The following UBE2L3 variants were observed in gnomAD, a reference collection of about 807,000 sequenced individuals.
The protein encoded by UBE2L3 is ubiquitin conjugating enzyme E2 L3.
A neutral mutation model predicts 17.8 loss-of-function variants in UBE2L3; 1 was observed. The observed-to-expected ratio is 0.06, with a 90% confidence interval of 0.02 to 0.27. The LOEUF is 0.27. Among genes scored for constraint, UBE2L3 ranks in the 10% least tolerant of loss-of-function variants. UBE2L3 has a pLI of 1.00. For missense variants in UBE2L3, 40 were observed against 192.6 expected (o/e 0.21, Z 4.69); for synonymous variants, 44 against 68.5 (o/e 0.64, Z 1.76).
At chr22:21,556,506 T>C (rs1601380066) in intron 1 of UBE2L3, among the ~76,000 whole-genome samples, 1 of 152,374 alleles carries the variant, frequency 6.6e-6, no homozygotes, top group East Asian at 1.9e-4. Context: ...CTCGGCATAC[T>C]GCAACGTTCG....
At chr22:21,572,450 T>C (rs1004303395) in intron 1 of UBE2L3, among the ~76,000 whole-genome samples, 7 of 144,568 alleles carry the variant, frequency 4.8e-5, no homozygotes, top group Non-Finnish European at 4.6e-5. Flanking sequence ...AAGAAAACCC[T>C]GAGACAAAAA....
chr22:21,622,008 G>T lies in UBE2L3; in HGVS notation c.*339G>T. ...AGGTTTAAAAAAAAGGAAAAAAAACGGTTGTGGTTCCCTTTCTTCCCTACC... is the reference window on the plus strand; with the variant it reads ...AGGTTTAAAAAAAAGGAAAAAAAACTGTTGTGGTTCCCTTTCTTCCCTACC... On this transcript the variant is annotated 3_prime_UTR_variant, in exon 4 of 4. Coordinates refer to ENST00000342192, the MANE Select transcript of UBE2L3 (RefSeq NM_003347.4). 9.4e-6 allele frequency: 2 copies of T among 213,318 alleles called. No homozygotes were observed. The highest frequency in any genetic ancestry group is 1.9e-5 in the Non-Finnish European group (2 of 107,854). The allele number at this position is 213,318 out of a possible 1,614,324, so 13.2% of individuals were successfully genotyped here. A position where few individuals can be genotyped will look rare whatever the true frequency, so the allele number is the denominator to read the frequency against.
chr22:21,566,159 G>C (rs1926625252), upstream of UBE2L3, among the ~76,000 whole-genome samples: 1 of 151,896 alleles, frequency 6.6e-6, no homozygotes, highest in Non-Finnish European at 1.5e-5. Flanking sequence ...TTTTAGTAGA[G>C]ACGGAGTTTC....
chr22:21,572,373 T>G (rs913578267), intron 1 of UBE2L3, among the ~76,000 whole-genome samples: 2 of 136,110 alleles, frequency 1.5e-5, no homozygotes, highest in African/African-American at 2.8e-5. Context: ...AGGCAGAGGT[T>G]GCGGTGAGCC....
intron 2 of UBE2L3, among the ~76,000 whole-genome samples, chr22:21,604,531 T>G (rs1386349521): frequency 2.0e-5 from 3 of 152,168 alleles, no homozygotes; most frequent in Non-Finnish European, 4.4e-5. Context: ...CTTTGGTTTA[T>G]TTGACATTGA....
intron 1 of UBE2L3, among the ~76,000 whole-genome samples, chr22:21,560,960 AAGCACAG>A (rs1926410491): frequency 6.6e-6 from 1 of 152,294 alleles, no homozygotes; most frequent in South Asian, 2.1e-4. Context: ...TTCATTCACT[AAGCACAG>A]AGAATGGAGT....
intron 3 of UBE2L3, among the ~76,000 whole-genome samples, chr22:21,615,295 C>T (rs969352095): frequency 2.0e-5 from 3 of 152,108 alleles, no homozygotes; most frequent in Non-Finnish European, 2.9e-5. Flanking sequence ...GTGGCTCACG[C>T]CTGTAGTCCC....
chr22:21,614,223 C>T (rs1278172447), intron 3 of UBE2L3, among the ~76,000 whole-genome samples: 3 of 152,184 alleles, frequency 2.0e-5, no homozygotes, highest in African/African-American at 7.2e-5. Context: ...GTTCAGCTGC[C>T]ACTGTCCTGC....
At chr22:21,557,184 G>A (rs535435578) in intron 1 of UBE2L3, among the ~76,000 whole-genome samples, 29 of 152,244 alleles carry the variant, frequency 1.9e-4, no homozygotes, top group Non-Finnish European at 3.5e-4. Flanking sequence ...AGACAACATG[G>A]CAAGGCTGCA....
At chr22:21,577,848 A>G (rs1927399005) in intron 1 of UBE2L3, among the ~76,000 whole-genome samples, 1 of 152,204 alleles carries the variant, frequency 6.6e-6, no homozygotes, top group Non-Finnish European at 1.5e-5. Flanking sequence ...CTCTTTTGAC[A>G]GCCCTTATCC....
At chr22:21,594,552 T>C (rs1029754366) in intron 2 of UBE2L3, among the ~76,000 whole-genome samples, 11 of 152,244 alleles carry the variant, frequency 7.2e-5, no homozygotes, top group Admixed American at 1.3e-4. Flanking sequence ...TCAGCAGTTA[T>C]TGGATTTGTA....
At chr22:21,616,502 A>G (rs1301628925) in intron 3 of UBE2L3, among the ~76,000 whole-genome samples, 1 of 152,076 alleles carries the variant, frequency 6.6e-6, no homozygotes, top group Non-Finnish European at 1.5e-5. Context: ...TACAAAAAAA[A>G]TTAGCTGGGC....
intron 1 of UBE2L3, among the ~76,000 whole-genome samples, chr22:21,570,057 C>G (rs1327751317): frequency 6.6e-6 from 1 of 152,236 alleles, no homozygotes; most frequent in African/African-American, 2.4e-5. Context: ...CCACATCCCC[C>G]TTCAGAATGT....
chr22:21,577,725 G>C (rs1280947650), intron 1 of UBE2L3, among the ~76,000 whole-genome samples: 1 of 152,152 alleles, frequency 6.6e-6, no homozygotes, highest in Non-Finnish European at 1.5e-5. Context: ...GGTTTTGTTT[G>C]TTTTGGTTTT....
At chr22:21,568,863 C>G (rs1402039649) in intron 1 of UBE2L3, among the ~76,000 whole-genome samples, 1 of 152,168 alleles carries the variant, frequency 6.6e-6, no homozygotes, top group Non-Finnish European at 1.5e-5. Context: ...GCATTCCCTC[C>G]GTCCCTGGGA....
In UBE2L3 at chr22:21,623,130, G is replaced by A. The variant is rs1224600981; in HGVS notation, c.*1461G>A. On this transcript the variant is annotated 3_prime_UTR_variant, in exon 4 of 4. Transcript: ENST00000342192. Reference sequence around the variant, plus strand: ...CTTGGGGGGGACTAGATCCTGTGGAGAAGATGACTTAAACTTTGCTTTTTG... The same window carrying A: ...CTTGGGGGGGACTAGATCCTGTGGAAAAGATGACTTAAACTTTGCTTTTTG... 6.6e-6 allele frequency: 1 copy of A among 152,362 alleles called. No homozygotes were observed. Among genetic ancestry groups the A allele is most frequent in the African/African-American group, 2.4e-5 (1 of 41,468 alleles). 9.4% of individuals were successfully genotyped at this position (152,362 alleles called of 1,614,324 possible).
At position 21,611,070 on chromosome 22, in the gene UBE2L3, G is replaced by A. The variant is rs142591174; in HGVS notation, c.310+27G>A. The A allele has an allele frequency of 2.8e-5, 44 of 1,556,884 alleles. No individual in the cohort carries two copies. The East Asian group carries it at 7.1e-4, about 25-fold the overall frequency. The stretch of plus-strand genomic sequence containing the variant: ...TAAGACATGTGCCTGTGTCTTCCTC[G>A]GAGGGGGTCTTTGGGGGTGCTGCTC... On this transcript the variant is annotated intron_variant, in intron 3 of 3. Transcript: ENST00000342192.
rs1412778679 is a variant in UBE2L3 at position 21,622,919 on chromosome 22, T to G, written c.*1250T>G. The G allele has an allele frequency of 6.5e-6, 1 of 152,758 alleles. No individual in the cohort carries two copies. Among genetic ancestry groups the G allele is most frequent in the Non-Finnish European group, 1.5e-5 (1 of 68,036 alleles). The allele number at this position is 152,758 out of a possible 1,614,324, so 9.5% of individuals were successfully genotyped here. Reference sequence around the variant, plus strand: ...TGCCTTTTTTTGTAGAAATAAAAATTGACCTTAGAATTTATCGTCAGATAA... The same window carrying G: ...TGCCTTTTTTTGTAGAAATAAAAATGGACCTTAGAATTTATCGTCAGATAA... On this transcript the variant is annotated 3_prime_UTR_variant, in exon 4 of 4. Transcript: ENST00000342192.
Position 21,610,958 on chromosome 22 carries a change from T to C in UBE2L3, c.225T>C (p.Tyr75=). The C allele has an allele frequency of 6.2e-7, 1 of 1,613,762 alleles. No homozygotes were observed. Among genetic ancestry groups the C allele is most frequent in the Non-Finnish European group, 8.5e-7 (1 of 1,179,940 alleles). ...PPKITFKTKI[Y]HPNIDEKGQV... ...AGATCACATTTAAAACAAAGATCTA[T>C]CACCCAAACATCGACGAAAAGGGGC... The change falls in exon 3 of 4, where the codon TAT becomes TAC. Residue 75 remains tyrosine (Y), a synonymous_variant. Coordinates refer to ENST00000342192, the MANE Select transcript of UBE2L3 (RefSeq NM_003347.4).
Sources: allele counts gnomAD v4.1 joint callset (sites outside exome capture counted in the v4.1 genomes callset), GRCh38; gene constraint gnomAD v4.1.1; transcripts MANE v1.5; gene names NCBI Gene and HGNC (gene_info 2026-07-23, HGNC 2026-07-21).